The following MTUS1 variants were observed in gnomAD, a reference collection of about 807,000 sequenced individuals.
The protein encoded by MTUS1 is microtubule-associated tumor suppressor 1.
A neutral mutation model predicts 120.8 loss-of-function variants in MTUS1; 109 were observed. The observed-to-expected ratio is 0.90, with a 90% CI of 0.77 to 1.06. The LOEUF is 1.06. MTUS1 is among the 50% of genes least tolerant of loss of function. The pLI is 0.00. For missense variants in MTUS1, 2,210 were observed against 1,486.3 expected (o/e 1.49, Z -8.01); for synonymous variants, 737 against 550.5 (o/e 1.34, Z -4.74).
chr8:17,726,322 T>G (rs2046228253), intron 3 of MTUS1, among the ~76,000 whole-genome samples: 1 of 152,184 alleles, frequency 6.6e-6, no homozygotes, highest in South Asian at 2.1e-4. Context: ...CTTCTCTGAA[T>G]GCCGTGGACT....
rs546423043 is a variant in MTUS1 at position 17,715,201 on chromosome 8, T to G, written c.2584+566A>C. Among the ~76,000 whole-genome samples, 3 of 152,210 alleles carry G rather than the reference T, an allele frequency of 2.0e-5. No homozygotes were observed. In the South Asian group the frequency reaches 6.2e-4, roughly 32 times the overall value. On this transcript the variant is annotated intron_variant, in intron 5 of 14. Transcript: ENST00000693296. ...GATTACAGGCGTGAGCCACCGCATG[T>G]GGCACAAAGAAGGCTTCTGATGTGC... is the stretch of plus-strand genomic sequence containing the variant.
At chr8:17,798,092 G>C (rs2052392344) in intron 1 of MTUS1, among the ~76,000 whole-genome samples, 1 of 152,128 alleles carries the variant, frequency 6.6e-6, no homozygotes, top group Admixed American at 6.6e-5. Context: ...ACTACAAATA[G>C]ATTACTGACA....
intron 1 of MTUS1, among the ~76,000 whole-genome samples, chr8:17,790,249 G>A (rs1035007018): frequency 6.6e-6 from 1 of 151,736 alleles, no homozygotes; most frequent in African/African-American, 2.4e-5. Flanking sequence ...TCGGGAGGCT[G>A]AGGTAGGAGA....
intron 6 of MTUS1, chr8:17,703,996 C>T (rs191870455): frequency 7.8e-5 from 12 of 152,898 alleles, no homozygotes; most frequent in East Asian, 1.9e-4. Flanking sequence ...GTGGACATCA[C>T]GGACCTACCA....
chr8:17,764,312 A>G (rs567788338), intron 1 of MTUS1, among the ~76,000 whole-genome samples: 13 of 152,004 alleles, frequency 8.6e-5, no homozygotes, highest in Non-Finnish European at 1.9e-4. Context: ...TTACTCACTG[A>G]TATTGTTCAG....
chr8:17,770,899 C>A (rs933077175), intron 1 of MTUS1, among the ~76,000 whole-genome samples: 2 of 152,130 alleles, frequency 1.3e-5, no homozygotes, highest in Non-Finnish European at 2.9e-5. Context: ...GGCACTTTTG[C>A]CTGTCAGATT....
At chr8:17,713,734 A>G (rs552236247) in intron 5 of MTUS1, among the ~76,000 whole-genome samples, 4 of 152,332 alleles carry the variant, frequency 2.6e-5, no homozygotes, top group Admixed American at 6.5e-5. Flanking sequence ...AGGAGGGGTA[A>G]TAGGTACACA....
rs554821462 is a variant in MTUS1 at position 17,782,180 on chromosome 8, T to C, written c.-155+18881A>G. Among the ~76,000 whole-genome samples the C allele has an allele frequency of 4.6e-5, 7 of 152,334 alleles. No individual in the cohort carries two copies. In the East Asian group the frequency reaches 5.8e-4, roughly 13 times the overall value. On this transcript the variant is annotated intron_variant, in intron 1 of 14. Transcript: ENST00000693296. ...GATTTTTTTCCCCCCTTAAATGTCA[T>C]GTCCATTCATAACAGTGAGATTTCA...
chr8:17,784,440 T>G (rs192802615), intron 1 of MTUS1, among the ~76,000 whole-genome samples: 2 of 151,942 alleles, frequency 1.3e-5, no homozygotes, highest in Non-Finnish European at 2.9e-5. Context: ...GGATTACAGG[T>G]GCGCACCACC....
At chr8:17,664,473 C>A (rs1236142095) in intron 8 of MTUS1, among the ~76,000 whole-genome samples, 2 of 151,658 alleles carry the variant, frequency 1.3e-5, no homozygotes, top group African/African-American at 2.4e-5. Flanking sequence ...CCGAAATCCC[C>A]CTCTCTGCAC....
chr8:17,785,564 G>C (rs1213116749), intron 1 of MTUS1, among the ~76,000 whole-genome samples: 2 of 152,228 alleles, frequency 1.3e-5, no homozygotes, highest in African/African-American at 4.8e-5. Context: ...AATACAAAAA[G>C]TGAAAGGGGT....
At chr8:17,743,859 C>T in intron 2 of MTUS1, 60 bp from the exon 3 acceptor site, 2 of 1,432,100 alleles carry the variant, frequency 1.4e-6, no homozygotes, top group South Asian at 1.3e-5. Context: ...CCCCAACTGA[C>T]TGAATGGGCC....
upstream of MTUS1, among the ~76,000 whole-genome samples, chr8:17,801,182 C>G (rs2052655190): frequency 6.6e-6 from 1 of 151,690 alleles, no homozygotes; most frequent in South Asian, 2.1e-4. Context: ...GCGTCTGCAC[C>G]TGGGGGCGCG....
intron 2 of MTUS1, among the ~76,000 whole-genome samples, chr8:17,744,563 G>C (rs1385007304): frequency 6.6e-6 from 1 of 151,904 alleles, no homozygotes; most frequent in Non-Finnish European, 1.5e-5. Flanking sequence ...TGGGATTACG[G>C]GTGCACACCA....
intron 3 of MTUS1, among the ~76,000 whole-genome samples, chr8:17,729,018 T>C (rs1289246436): frequency 6.6e-6 from 1 of 152,156 alleles, no homozygotes; most frequent in African/African-American, 2.4e-5. Flanking sequence ...AACTACTAAG[T>C]AAGAAAGAGA....
Position 17,665,057 on chromosome 8 carries a change from A to C in MTUS1, c.2906-8992T>G, listed in dbSNP as rs530482074. Among the ~76,000 whole-genome samples the C allele has an allele frequency of 2.0e-5, 3 of 152,312 alleles. No individual in the cohort carries two copies. In the South Asian group the frequency reaches 6.2e-4, roughly 32 times the overall value. ...GATTGGTGATAGTAAAGTGAAACAGAGTTACTCTTATGCTTTGTAGAAAGT... is the reference window on the plus strand; with the variant it reads ...GATTGGTGATAGTAAAGTGAAACAGCGTTACTCTTATGCTTTGTAGAAAGT... On this transcript the variant is annotated intron_variant, in intron 8 of 14. Coordinates refer to ENST00000693296, the MANE Select transcript of MTUS1 (RefSeq NM_001363059.2).
intron 1 of MTUS1, among the ~76,000 whole-genome samples, chr8:17,780,012 C>T (rs753388974): frequency 6.6e-6 from 1 of 152,096 alleles, no homozygotes; most frequent in African/African-American, 2.4e-5. Flanking sequence ...GAAATGTGAT[C>T]CCCAGTGGTT....
In MTUS1 at chr8:17,754,267, A is replaced by G; in HGVS notation, c.1541T>C (p.Val514Ala). Residue 514 changes from valine to alanine, a missense_variant, in exon 2 of 15, where the codon GTT (valine) becomes GCT (alanine). Physicochemically the swap from Val to Ala is moderately conservative, Grantham distance 64. Transcript: ENST00000693296. ...RPNFKNVKAK[V>A]MSRAVLQPKD... ...GGGCTGCAACACTGCTCTAGACATAACTTTTGCTTTGACATTCTTGAAGTT... is the reference window on the plus strand; with the variant it reads ...GGGCTGCAACACTGCTCTAGACATAGCTTTTGCTTTGACATTCTTGAAGTT... 1 of 1,613,838 alleles carries G rather than the reference A, an allele frequency of 6.2e-7. No individual in the cohort carries two copies. The highest frequency in any genetic ancestry group is 8.5e-7 in the Non-Finnish European group (1 of 1,179,960).
intron 2 of MTUS1, among the ~76,000 whole-genome samples, chr8:17,752,284 T>C (rs1261578022): frequency 1.3e-5 from 2 of 152,168 alleles, no homozygotes; most frequent in African/African-American, 2.4e-5. Flanking sequence ...AAGTCTCCCA[T>C]AAATCAAGAG....
Sources: gnomAD v4.1 joint callset for allele counts (sites outside exome capture counted in the v4.1 genomes callset) on GRCh38, gnomAD v4.1.1 for gene constraint, MANE v1.5 for transcripts, NCBI Gene and HGNC (gene_info 2026-07-23, HGNC 2026-07-21) for gene names.